Variants in DGKI observed in about 807,000 individuals in gnomAD.
DGKI encodes the protein DAG kinase iota.
In DGKI, 55 loss-of-function variants were observed where a neutral mutation model predicts 147.5. That is an observed-to-expected ratio of 0.37 (90% CI 0.30 to 0.47). The LOEUF (loss-of-function observed/expected upper bound fraction) is 0.47, where lower values mean the gene tolerates loss of function less well. Ranked by LOEUF, DGKI falls within the 20% of genes least tolerant of loss-of-function variation. DGKI has a pLI of 1.00. For missense variants in DGKI, 1,007 were observed against 1,323.8 expected (o/e 0.76, Z 3.71); for synonymous variants, 469 against 477.1 (o/e 0.98, Z 0.22).
intron 1 of DGKI, among the ~76,000 whole-genome samples, chr7:137,715,030 A>G (rs185940688): frequency 3.3e-5 from 5 of 152,324 alleles, no homozygotes; most frequent in Non-Finnish European, 4.4e-5. Context: ...AATAACCGCC[A>G]TAAAAAGGAC....
intron 21 of DGKI, among the ~76,000 whole-genome samples, chr7:137,519,931 G>A (rs1397143558): frequency 2.6e-5 from 4 of 152,004 alleles, no homozygotes; most frequent in Non-Finnish European, 4.4e-5. Flanking sequence ...TCCCCTTTTA[G>A]AGAGTATATG....
chr7:137,453,127 C>A (rs1476426218), intron 27 of DGKI: 8 of 152,222 alleles, frequency 5.3e-5, no homozygotes, highest in African/African-American at 1.9e-4. Context: ...CAAATTCCAT[C>A]TATTTCCTAA....
chr7:137,776,382 A>G (rs960105569), intron 1 of DGKI, among the ~76,000 whole-genome samples: 4 of 152,244 alleles, frequency 2.6e-5, no homozygotes, highest in Admixed American at 2.6e-4. Context: ...AACATAGATC[A>G]CCTGGTAGGC....
chr7:137,425,233 T>C (rs952130682), intron 28 of DGKI, among the ~76,000 whole-genome samples: 2 of 152,204 alleles, frequency 1.3e-5, no homozygotes, highest in Non-Finnish European at 1.5e-5. Flanking sequence ...GCAGCATTTG[T>C]GGTTCACGAA....
chr7:137,614,216 G>A (rs1306099268), intron 8 of DGKI, among the ~76,000 whole-genome samples: 1 of 152,136 alleles, frequency 6.6e-6, no homozygotes, highest in African/African-American at 2.4e-5. Context: ...TAGAAGATAG[G>A]AGCAGCCCAG....
intron 1 of DGKI, among the ~76,000 whole-genome samples, chr7:137,827,048 C>A (rs965348668): frequency 1.3e-5 from 2 of 152,162 alleles, no homozygotes; most frequent in African/African-American, 4.8e-5. Flanking sequence ...ATGGCCCCTG[C>A]AGACAGAACA....
At chr7:137,391,608 C>T (rs1340993395) in intron 32 of DGKI, among the ~76,000 whole-genome samples, 2 of 151,940 alleles carry the variant, frequency 1.3e-5, no homozygotes, top group African/African-American at 4.8e-5. Context: ...GGGGTTTATA[C>T]TAGGGAAACA....
chr7:137,436,078 A>G (rs1485633880), intron 28 of DGKI, among the ~76,000 whole-genome samples: 3 of 152,152 alleles, frequency 2.0e-5, no homozygotes, highest in African/African-American at 7.2e-5. Context: ...CCCAGCCAGT[A>G]TCTAACTTTC....
In DGKI at chr7:137,846,703, T is replaced by A; in HGVS notation, c.160A>T (p.Asn54Tyr). The part of the protein sequence containing the change: ...PSAAAGAGAM[N>Y]PSSSAGEEKG... ...TCCTCTCCCGCCGAGGAGCTGGGGTTCATGGCGCCCGCTCCGGCGGCCGCG... is the reference window on the plus strand; with the variant it reads ...TCCTCTCCCGCCGAGGAGCTGGGGTACATGGCGCCCGCTCCGGCGGCCGCG... Residue 54 changes from asparagine to tyrosine, a missense_variant, in exon 1 of 33, where the codon AAC (asparagine) becomes TAC (tyrosine). Physicochemically the swap from Asn to Tyr is moderately radical, Grantham distance 143. Around this residue, in one of 5 missense-constraint regions of DGKI, gnomAD observed 137 missense variants for 114.4 expected, o/e 1.20. Coordinates refer to ENST00000614521, the MANE Select transcript of DGKI (RefSeq NM_001321708.2). This position sits in a 1 kb window ranked among gnomAD's most constrained non-coding sequence, Gnocchi z 4.0. 1 of 1,040,846 alleles carries A rather than the reference T, an allele frequency of 9.6e-7. No homozygotes were observed. The highest frequency in any genetic ancestry group is 1.2e-6 in the Non-Finnish European group (1 of 865,138). The allele number at this position is 1,040,846 out of a possible 1,614,324, so 64.5% of individuals were successfully genotyped here. A position where few individuals can be genotyped will look rare whatever the true frequency, so the allele number is the denominator to read the frequency against.
At chr7:137,816,506 T>C (rs1340336019) in intron 1 of DGKI, among the ~76,000 whole-genome samples, 2 of 152,232 alleles carry the variant, frequency 1.3e-5, no homozygotes, top group Non-Finnish European at 2.9e-5. Flanking sequence ...TACCACATTC[T>C]TCCACTCAGA....
intron 6 of DGKI, among the ~76,000 whole-genome samples, chr7:137,632,686 G>A (rs796775665): frequency 2.2e-4 from 34 of 151,808 alleles, no homozygotes; most frequent in African/African-American, 4.1e-4. Context: ...GTGAAACCCC[G>A]TCTCCACTAA....
rs555988474 is a variant in DGKI at position 137,440,732 on chromosome 7, A to C, written c.2761+3345T>G. 3.9e-5 allele frequency among the ~76,000 whole-genome samples: 6 copies of C among 152,372 alleles called. No homozygotes were observed. The East Asian group carries it at 1.2e-3, about 29-fold the overall frequency. ...CATAAGGCAGTTGGAGCATGCGAGC[A>C]CAGTGCTTCTGCATAATAAGCACTC... On this transcript the variant is annotated intron_variant, in intron 28 of 32. Coordinates refer to ENST00000614521, the MANE Select transcript of DGKI (RefSeq NM_001321708.2).
In DGKI at chr7:137,581,863, G is replaced by A. The variant is rs751043066; in HGVS notation, c.1629C>T (p.Phe543=). ...CGTTGTCCTCACCTCTGGATTCATGGAACTCCAGTGTGACATGGGCATCAA... is the reference window on the plus strand; with the variant it reads ...CGTTGTCCTCACCTCTGGATTCATGAAACTCCAGTGTGACATGGGCATCAA... ...LGFDAHVTLE[F]HESREANPEK... The change falls in exon 15 of 33, where the codon TTC becomes TTT. Residue 543 remains phenylalanine (F), a synonymous_variant. Transcript: ENST00000614521. 8 of 1,612,958 alleles carry A rather than the reference G, an allele frequency of 5.0e-6. No individual in the cohort carries two copies. The highest frequency in any genetic ancestry group is 6.8e-6 in the Non-Finnish European group (8 of 1,179,040).
chr7:137,603,263 C>T (rs187799718), intron 10 of DGKI, among the ~76,000 whole-genome samples: 17 of 152,206 alleles, frequency 1.1e-4, no homozygotes, highest in African/African-American at 4.1e-4. Flanking sequence ...AAGAACGGGT[C>T]GGTTCAAATA....
At position 137,638,476 on chromosome 7, in the gene DGKI, G is replaced by GTATATATATACACACACATATATA. The variant is rs1406683084; in HGVS notation, c.804+6995_804+6996insTATATATGTGTGTGTATATATATA. Among the ~76,000 whole-genome samples, 5 of 109,288 alleles carry GTATATATATACACACACATATATA rather than the reference G, an allele frequency of 4.6e-5. 2 individuals are homozygous for GTATATATATACACACACATATATA. Among genetic ancestry groups the GTATATATATACACACACATATATA allele is most frequent in the African/African-American group, 2.4e-4 (5 of 21,188 alleles). The allele number at this position is 109,288 out of a possible 152,430, so 71.7% of individuals were successfully genotyped here. A position where few individuals can be genotyped will look rare whatever the true frequency, so the allele number is the denominator to read the frequency against. On this transcript the variant is annotated intron_variant, in intron 6 of 32. Coordinates refer to ENST00000614521, the MANE Select transcript of DGKI (RefSeq NM_001321708.2). The stretch of plus-strand genomic sequence containing the variant: ...CACATATATATGTGTGTATATATGT[G>GTATATATATACACACACATATATA]TGTATATATATACACACATATATAT...
intron 26 of DGKI, 109 bp from the exon 27 acceptor site, chr7:137,463,720 A>ATC: frequency 7.6e-7 from 1 of 1,311,584 alleles, no homozygotes; most frequent in Non-Finnish European, 1.0e-6. Context: ...AGCAAAATTC[A>ATC]TCTTTATGAA....
chr7:137,720,533 C>T (rs986887299), intron 1 of DGKI, among the ~76,000 whole-genome samples: 1 of 152,264 alleles, frequency 6.6e-6, no homozygotes, highest in Admixed American at 6.5e-5. Flanking sequence ...GCTGGGATTA[C>T]AGGTGTGAGC....
intron 21 of DGKI, among the ~76,000 whole-genome samples, chr7:137,499,438 T>C (rs941849172): frequency 5.3e-5 from 8 of 152,138 alleles, no homozygotes; most frequent in African/African-American, 1.9e-4. Context: ...CAGAAGAGAT[T>C]AGCATTTGTA....
At chr7:137,840,960 G>T (rs1329619046) in intron 1 of DGKI, among the ~76,000 whole-genome samples, 3 of 152,222 alleles carry the variant, frequency 2.0e-5, no homozygotes, top group African/African-American at 7.2e-5. Flanking sequence ...AGGGCACTAT[G>T]CCATGTCCTT....
Sources: gnomAD v4.1 joint callset for allele counts (sites outside exome capture counted in the v4.1 genomes callset) on GRCh38, gnomAD v4.1.1 for gene constraint, gnomAD v4.1.1 regional missense constraint, Gnocchi (gnomAD v3.1) non-coding constraint, MANE v1.5 for transcripts, NCBI Gene and HGNC (gene_info 2026-07-23, HGNC 2026-07-21) for gene names.